The following RBM6 variants were observed in gnomAD, a reference collection of about 807,000 sequenced individuals.
The protein encoded by RBM6 is RNA-binding protein 6.
In RBM6, 23 loss-of-function variants were observed where a neutral mutation model predicts 140.4. That is an observed-to-expected ratio of 0.16 (90% CI 0.12 to 0.23). The LOEUF (loss-of-function observed/expected upper bound fraction) is 0.23, where lower values mean the gene tolerates loss of function less well. Ranked by LOEUF, RBM6 falls within the 10% of genes least tolerant of loss-of-function variation. The pLI is 1.00. For missense variants in RBM6, 1,139 were observed against 1,386.7 expected, an observed-to-expected ratio of 0.82 and a Z score of 2.84; for synonymous variants, 439 against 475.6, an observed-to-expected ratio of 0.92 and a Z score of 1.00.
intron 8 of RBM6, among the ~76,000 whole-genome samples, chr3:50,056,138 G>A (rs933454065): frequency 2.6e-5 from 4 of 152,070 alleles, no homozygotes; most frequent in African/African-American, 9.7e-5. Flanking sequence ...GGCTGTGTAT[G>A]TTCTAGAAAC....
At chr3:49,962,306 G>T (rs1389491002) in intron 1 of RBM6, among the ~76,000 whole-genome samples, 2 of 149,836 alleles carry the variant, frequency 1.3e-5, no homozygotes, top group African/African-American at 2.5e-5. Flanking sequence ...AGGCGTGGTG[G>T]CGGGCGCCTG....
intron 5 of RBM6, among the ~76,000 whole-genome samples, chr3:49,978,830 T>A (rs1199249564): frequency 6.6e-6 from 1 of 152,202 alleles, no homozygotes; most frequent in Non-Finnish European, 1.5e-5. Flanking sequence ...CTATATATGT[T>A]GTGTATATTT....
At chr3:50,013,131 C>T (rs958692794) in intron 6 of RBM6, among the ~76,000 whole-genome samples, 16 of 152,246 alleles carry the variant, frequency 1.1e-4, no homozygotes, top group African/African-American at 3.6e-4. Context: ...TTTGACTTGA[C>T]CTCCCACCAG....
At chr3:50,003,957 G>A (rs1333245149) in intron 6 of RBM6, among the ~76,000 whole-genome samples, 1 of 152,240 alleles carries the variant, frequency 6.6e-6, no homozygotes, top group African/African-American at 2.4e-5. Context: ...GTCTCTGGGA[G>A]ATTGAGGGTA....
At chr3:49,976,555 A>C (rs1252409557) in intron 5 of RBM6, among the ~76,000 whole-genome samples, 5 of 152,152 alleles carry the variant, frequency 3.3e-5, no homozygotes, top group Non-Finnish European at 5.9e-5. Context: ...TGCCTTATAC[A>C]TGCTTTCTTT....
At chr3:50,041,768 T>C (rs746699963) in intron 6 of RBM6, among the ~76,000 whole-genome samples, 1 of 152,264 alleles carries the variant, frequency 6.6e-6, no homozygotes, top group Non-Finnish European at 1.5e-5. Context: ...GTTTGAGGGA[T>C]TGGCAGTGCT....
rs2084579999 is a variant in RBM6, at chr3:49,967,939, C to T, written c.514C>T (p.Pro172Ser). 4 of 1,614,030 alleles carry T rather than the reference C, an allele frequency of 2.5e-6. No individual in the cohort carries two copies. The African/African-American group carries it at 4.0e-5, about 16-fold the overall frequency. The change falls in exon 3 of 21, where the codon CCA (proline) becomes TCA (serine). Residue 172 changes from proline to serine, a missense_variant. This residue lies in a region of RBM6 where 566 missense variants were observed against 612.7 expected (regional missense o/e 0.92). Transcript: ENST00000266022. This position sits in a 1 kb window ranked among gnomAD's most constrained non-coding sequence, Gnocchi z 4.0. ...TGACTTCAGAGGTAGGGATGCTCCT[C>T]CATCTGACTTCAGGGGCCGGGGCAC... ...AVDFRGRDAP[P>S]SDFRGRGTYD...
intron 1 of RBM6, among the ~76,000 whole-genome samples, chr3:49,949,061 C>T (rs903449822): frequency 6.6e-6 from 1 of 151,016 alleles, no homozygotes; most frequent in Non-Finnish European, 1.5e-5. Flanking sequence ...AAATTTCTGA[C>T]CTTGTGATCC....
rs557311356 is a variant in RBM6, at chr3:50,066,595, A to G, written c.2943+93A>G. On this transcript the variant is annotated intron_variant, in intron 17 of 20. Transcript: ENST00000266022. The stretch of plus-strand genomic sequence containing the variant: ...GTAATCCTAGCACTTTGGGAGGCCG[A>G]GGCGGGTGGATTGCCTGGGCTCAGA... The G allele has an allele frequency of 6.8e-6, 10 of 1,463,274 alleles. No individual in the cohort carries two copies. The African/African-American group carries it at 1.3e-4, about 18-fold the overall frequency. The allele number at this position is 1,463,274 out of a possible 1,614,324, so 90.6% of individuals were successfully genotyped here. A position where few individuals can be genotyped will look rare whatever the true frequency, so the allele number is the denominator to read the frequency against.
chr3:50,027,960 A>C (rs538273149), intron 6 of RBM6, among the ~76,000 whole-genome samples: 2 of 152,280 alleles, frequency 1.3e-5, no homozygotes, highest in African/African-American at 4.8e-5. Context: ...GCATACTCAT[A>C]CATTAGATAA....
intron 19 of RBM6, among the ~76,000 whole-genome samples, chr3:50,074,180 T>C (rs2090390306): frequency 6.6e-6 from 1 of 152,188 alleles, no homozygotes; most frequent in Admixed American, 6.5e-5. Flanking sequence ...TTGGACAAAT[T>C]GTCTTTTGTG....
At chr3:49,946,778 G>A (rs533302355) in intron 1 of RBM6, among the ~76,000 whole-genome samples, 4 of 150,960 alleles carry the variant, frequency 2.6e-5, no homozygotes, top group Non-Finnish European at 4.4e-5. Flanking sequence ...CAAGTGATCT[G>A]TCCACCTTGG....
chr3:50,054,885 G>T (rs1372306880), intron 8 of RBM6, among the ~76,000 whole-genome samples: 1 of 151,970 alleles, frequency 6.6e-6, no homozygotes, highest in Non-Finnish European at 1.5e-5. Context: ...GTGCAGTGGC[G>T]CAATCTCGGA....
In RBM6 at chr3:49,960,908, A is replaced by G. The variant is rs1403173874; in HGVS notation, c.-66-1668A>G. Among the ~76,000 whole-genome samples the G allele has an allele frequency of 2.1e-5, 3 of 143,260 alleles. No homozygotes were observed. In the Admixed American group the frequency reaches 2.1e-4, roughly 10 times the overall value. 94.0% of individuals were successfully genotyped at this position (143,260 alleles called of 152,430 possible). ...TTGAAAAGTTTATGGTGCCCAGAGTACCTTTTTTTTTTTTTTTTTTTGAGA... is the reference window on the plus strand; with the variant it reads ...TTGAAAAGTTTATGGTGCCCAGAGTGCCTTTTTTTTTTTTTTTTTTTGAGA... On this transcript the variant is annotated intron_variant, in intron 1 of 20. Transcript: ENST00000266022.
intron 1 of RBM6, among the ~76,000 whole-genome samples, chr3:49,951,931 C>T (rs184526889): frequency 6.6e-6 from 1 of 152,234 alleles, no homozygotes. Flanking sequence ...CCACATTGGT[C>T]AGGCTGGTCT....
At chr3:50,051,979 GT>G in intron 7 of RBM6, among the ~76,000 whole-genome samples, 1 of 152,320 alleles carries the variant, frequency 6.6e-6, no homozygotes, top group South Asian at 2.1e-4. Context: ...TGATGAAAAT[GT>G]TTCAGAATTA....
At chr3:50,038,990 T>A (rs1245323223) in intron 6 of RBM6, among the ~76,000 whole-genome samples, 1 of 152,204 alleles carries the variant, frequency 6.6e-6, no homozygotes, top group Non-Finnish European at 1.5e-5. Flanking sequence ...ATTTTAGGGT[T>A]AACTGATTCA....
chr3:50,057,670 CTTTTTTTTTTT>C, intron 8 of RBM6, 47 bp from the exon 9 acceptor site: 1 of 1,239,464 alleles, frequency 8.1e-7, no homozygotes, highest in Non-Finnish European at 1.1e-6. Flanking sequence ...AGTGTTTTTT[CTTTTTTTTTTT>C]TTTTGATAAA....
At chr3:49,982,457 C>T (rs1019372412) in intron 5 of RBM6, among the ~76,000 whole-genome samples, 22 of 151,750 alleles carry the variant, frequency 1.4e-4, no homozygotes, top group Non-Finnish European at 2.9e-4. Context: ...TCTTGTTGCC[C>T]AGGTTGGAGT....
Sources: allele counts gnomAD v4.1 joint callset (sites outside exome capture counted in the v4.1 genomes callset), GRCh38; gene constraint gnomAD v4.1.1; regional missense constraint gnomAD v4.1.1; non-coding constraint Gnocchi (gnomAD v3.1); transcripts MANE v1.5; gene names NCBI Gene and HGNC (gene_info 2026-07-23, HGNC 2026-07-21).